The following CELF2 variants were observed in gnomAD, a reference collection of about 807,000 sequenced individuals.
CELF2 encodes CUG triplet repeat RNA-binding protein 2.
A neutral mutation model predicts 62.6 loss-of-function variants in CELF2; 8 were observed. The ratio of observed to expected loss-of-function variants is 0.13; its 90% CI spans 0.07 to 0.23. The LOEUF is 0.23. Among genes scored for constraint, CELF2 ranks in the 10% least tolerant of loss-of-function variants. The probability of loss-of-function intolerance (pLI) is 1.00; values close to 1 mark genes in which losing one functional copy is unlikely to be tolerated. For synonymous variants in CELF2, 258 were observed against 250.0 expected (o/e 1.03, Z -0.30); for missense variants, 333 against 671.0 (o/e 0.50, Z 5.56).
At chr10:10,601,733 T>A in the CELF2 span, among the ~76,000 whole-genome samples, 1 of 152,114 alleles carries the variant, frequency 6.6e-6, no homozygotes, top group African/African-American at 2.4e-5. Context: ...TTCTTTTTTT[T>A]TTTTTTTAAT....
intron 1 of CELF2, among the ~76,000 whole-genome samples, chr10:10,853,062 T>A (rs575536012): frequency 2.6e-5 from 4 of 152,316 alleles, no homozygotes; most frequent in Admixed American, 2.6e-4. Flanking sequence ...CACTACAGCC[T>A]CCACCTCCTG....
In CELF2 at chr10:11,165,804, T is replaced by A; in HGVS notation, c.271+122T>A. ...AGGCAGGAGGGCTGGAAGCAGCCGG[T>A]GCTGGCGGCCCCTGTGCTCCAGGGG... On this transcript the variant is annotated intron_variant, in intron 2 of 12. Transcript: ENST00000633077. The surrounding 1 kb of genome is among the most constrained non-coding windows in gnomAD (Gnocchi z 7.4). 1 of 926,928 alleles carries A rather than the reference T, an allele frequency of 1.1e-6. No homozygotes were observed. Among genetic ancestry groups the A allele is most frequent in the Non-Finnish European group, 1.6e-6 (1 of 635,930 alleles). The allele number at this position is 926,928 out of a possible 1,614,324, so 57.4% of individuals were successfully genotyped here.
chr10:11,308,806 G>A (rs530744309), intron 9 of CELF2, among the ~76,000 whole-genome samples: 24 of 151,682 alleles, frequency 1.6e-4, no homozygotes, highest in South Asian at 8.3e-4. Context: ...AAATGCTGCC[G>A]TTTGCCATTT....
chr10:10,909,654 A>G (rs1037413630), intron 1 of CELF2, among the ~76,000 whole-genome samples: 20 of 152,204 alleles, frequency 1.3e-4, no homozygotes, highest in Admixed American at 7.9e-4. Flanking sequence ...CTGCTTTCTC[A>G]GTCACAAATA....
At chr10:10,884,747 G>A (rs2133770371) in intron 1 of CELF2, among the ~76,000 whole-genome samples, 1 of 152,282 alleles carries the variant, frequency 6.6e-6, no homozygotes, top group East Asian at 1.9e-4. Flanking sequence ...GAGGAAATCT[G>A]GACAAACTAG....
intron 1 of CELF2, among the ~76,000 whole-genome samples, chr10:10,882,215 T>A (rs2133702160): frequency 6.6e-6 from 1 of 152,340 alleles, no homozygotes; most frequent in South Asian, 2.1e-4. Flanking sequence ...ATTCTTATAA[T>A]CAGTCTTATA....
the CELF2 span, among the ~76,000 whole-genome samples, chr10:10,569,863 C>T: frequency 1.3e-5 from 2 of 152,144 alleles, no homozygotes; most frequent in African/African-American, 4.8e-5. Context: ...GAATGTTCAC[C>T]AGAAACTGCT....
At chr10:10,898,831 C>T (rs1370317834) in intron 1 of CELF2, among the ~76,000 whole-genome samples, 2 of 152,112 alleles carry the variant, frequency 1.3e-5, no homozygotes, top group Non-Finnish European at 2.9e-5. Context: ...GCACATAGAA[C>T]ATTTAGCAAA....
chr10:10,918,155 A>C (rs1204345538), intron 1 of CELF2, among the ~76,000 whole-genome samples: 1 of 152,208 alleles, frequency 6.6e-6, no homozygotes, highest in Non-Finnish European at 1.5e-5. Flanking sequence ...AAATGACAGA[A>C]AGATAAAGGA....
intron 1 of CELF2, among the ~76,000 whole-genome samples, chr10:10,859,413 G>GT (rs144175235): frequency 9.9e-5 from 15 of 151,776 alleles, no homozygotes; most frequent in African/African-American, 1.5e-4. Context: ...AGAAAGATCT[G>GT]TTTTTTTTCT....
chr10:10,889,638 T>C (rs1725672526), intron 1 of CELF2, among the ~76,000 whole-genome samples: 1 of 152,230 alleles, frequency 6.6e-6, no homozygotes, highest in African/African-American at 2.4e-5. Context: ...ATAAAACTCA[T>C]GAGCAAATGT....
At chr10:10,805,747 G>C (rs891791734) in intron 1 of CELF2, among the ~76,000 whole-genome samples, 2 of 152,170 alleles carry the variant, frequency 1.3e-5, no homozygotes, top group Non-Finnish European at 2.9e-5. Flanking sequence ...TTTGATCATA[G>C]AGAGAGTCTT....
At chr10:10,949,357 G>T (rs1253593076) in intron 2 of CELF2, among the ~76,000 whole-genome samples, 1 of 152,208 alleles carries the variant, frequency 6.6e-6, no homozygotes, top group East Asian at 1.9e-4. Context: ...TGCCTCTAGT[G>T]ATCTCCCCAG....
chr10:10,572,829 A>G, the CELF2 span, among the ~76,000 whole-genome samples: 1 of 152,174 alleles, frequency 6.6e-6, no homozygotes, highest in East Asian at 1.9e-4. Flanking sequence ...ATACGTGTAC[A>G]TGTATCTTTG....
intron 1 of CELF2, among the ~76,000 whole-genome samples, chr10:11,037,353 G>T (rs1344993991): frequency 6.6e-6 from 1 of 152,250 alleles, no homozygotes; most frequent in Non-Finnish European, 1.5e-5. Flanking sequence ...ACATGTGGGG[G>T]TCATTACAAT....
At position 11,255,952 on chromosome 10, in the gene CELF2, A is replaced by G. The variant is rs2078614408; in HGVS notation, c.404-1786A>G. 1.3e-5 allele frequency among the ~76,000 whole-genome samples: 2 copies of G among 152,124 alleles called. No homozygotes were observed. Among genetic ancestry groups the G allele is most frequent in the South Asian group, 2.1e-4 (1 of 4,828 alleles). On this transcript the variant is annotated intron_variant, in intron 4 of 12. Transcript: ENST00000633077. This position sits in a 1 kb window ranked among gnomAD's most constrained non-coding sequence, Gnocchi z 5.5. ...TTGGAGGAGACACAGCAGGGGAAGGAATCCTTGGCTGGGAGGAGGACTCCA... is the reference window on the plus strand; with the variant it reads ...TTGGAGGAGACACAGCAGGGGAAGGGATCCTTGGCTGGGAGGAGGACTCCA...
At chr10:11,291,325 T>G (rs944276513) in intron 9 of CELF2, among the ~76,000 whole-genome samples, 1 of 152,166 alleles carries the variant, frequency 6.6e-6, no homozygotes, top group Non-Finnish European at 1.5e-5. Context: ...AGGAAAAGTC[T>G]CCCTACAGCA....
intron 2 of CELF2, among the ~76,000 whole-genome samples, chr10:11,213,748 A>C (rs1050153411): frequency 1.2e-4 from 19 of 152,262 alleles, no homozygotes; most frequent in Non-Finnish European, 1.5e-5. Context: ...TGCTGTATCT[A>C]AGCTGACTGT....
chr10:11,216,180 G>A (rs1411307420), intron 2 of CELF2, among the ~76,000 whole-genome samples: 1 of 152,190 alleles, frequency 6.6e-6, no homozygotes. Flanking sequence ...CAAAGGTTTT[G>A]TATATATTGA....
Sources: gnomAD v4.1 joint callset for allele counts (sites outside exome capture counted in the v4.1 genomes callset) on GRCh38, gnomAD v4.1.1 for gene constraint, Gnocchi (gnomAD v3.1) non-coding constraint, MANE v1.5 for transcripts, NCBI Gene and HGNC (gene_info 2026-07-23, HGNC 2026-07-21) for gene names.